The following DHRS4L2 variants were observed in gnomAD, a reference collection of about 807,000 sequenced individuals.
DHRS4L2 encodes the protein dehydrogenase/reductase SDR family member 4-like 2.
In DHRS4L2, 22 loss-of-function variants were observed where a neutral mutation model predicts 23.9. The ratio of observed to expected loss-of-function variants is 0.92; its 90% CI spans 0.66 to 1.31. The LOEUF (loss-of-function observed/expected upper bound fraction) is 1.31, where lower values mean the gene tolerates loss of function less well. Among genes scored for constraint, DHRS4L2 ranks in the 40% most tolerant of loss-of-function variants. The probability of loss-of-function intolerance (pLI) is 0.00; values close to 1 mark genes in which losing one functional copy is unlikely to be tolerated. For synonymous variants in DHRS4L2, 141 were observed against 123.7 expected, an observed-to-expected ratio of 1.14 and a Z score of -0.93; for missense variants, 385 against 303.3, an observed-to-expected ratio of 1.27 and a Z score of -2.00.
intron 1 of DHRS4L2, among the ~76,000 whole-genome samples, chr14:23,983,531 G>A (rs1291072190): frequency 6.6e-6 from 1 of 151,612 alleles, no homozygotes; most frequent in Non-Finnish European, 1.5e-5. Context: ...CCATTACTGG[G>A]TATATATCCA....
At chr14:24,000,207 C>A (rs562196435) in intron 3 of DHRS4L2, among the ~76,000 whole-genome samples, 1 of 146,748 alleles carries the variant, frequency 6.8e-6, no homozygotes, top group East Asian at 2.0e-4. Flanking sequence ...ACTTCTATCT[C>A]CAATTTTTCT....
rs1594446700 is a variant in DHRS4L2 at position 23,970,635 on chromosome 14, T to G, written c.-176+303T>G. 2.0e-5 allele frequency among the ~76,000 whole-genome samples: 3 copies of G among 151,974 alleles called. No individual in the cohort carries two copies. In the East Asian group the frequency reaches 5.8e-4, roughly 29 times the overall value. Reference sequence around the variant, plus strand: ...CAGCAGTGGTTCTCCCAGCACGGAGTTCGTGCTCCGATAACGGACAGACTG... The same window carrying G: ...CAGCAGTGGTTCTCCCAGCACGGAGGTCGTGCTCCGATAACGGACAGACTG... On this transcript the variant is annotated intron_variant, in intron 1 of 5. Coordinates refer to the DHRS4L2 transcript ENST00000534993.
At chr14:23,988,671 G>A (rs1219185671), upstream of DHRS4L2, 2 of 731,070 alleles carry the variant, frequency 2.7e-6, no homozygotes, top group Non-Finnish European at 1.9e-6. Flanking sequence ...TCCTGCGGGG[G>A]CCAGGGGAGG....
At chr14:23,987,112 T>C, upstream of DHRS4L2, 1 of 271,328 alleles carries the variant, frequency 3.7e-6, no homozygotes, top group South Asian at 2.9e-5. Flanking sequence ...TACACCCCCT[T>C]TTGAATGTTG....
At position 24,000,924 on chromosome 14, in the gene DHRS4L2, A is replaced by C; in HGVS notation, c.470A>C (p.Glu157Ala). Residue 157 changes from glutamate (E) to alanine (A), a missense_variant, in exon 4 of 8, where the codon GAG (glutamate) becomes GCG (alanine). Physicochemically the swap from Glu to Ala is moderately radical, Grantham distance 107 (BLOSUM62 -1). Transcript: ENST00000335125. The part of the protein sequence containing the change: ...LMTKAVVPEM[E>A]KRGGGSVVIV... Reference sequence around the variant, plus strand: ...ACAAAGGCAGTGGTGCCAGAAATGGAGAAACGAGGGTACAGAGAGTGAGAG... The same window carrying C: ...ACAAAGGCAGTGGTGCCAGAAATGGCGAAACGAGGGTACAGAGAGTGAGAG... 1.9e-6 allele frequency: 3 copies of C among 1,611,288 alleles called. No individual in the cohort carries two copies. Among genetic ancestry groups the C allele is most frequent in the Non-Finnish European group, 1.7e-6 (2 of 1,179,378 alleles).
At chr14:23,987,152 A>T (rs2034161755), upstream of DHRS4L2, 1 of 305,796 alleles carries the variant, frequency 3.3e-6, no homozygotes, top group East Asian at 1.5e-4. Flanking sequence ...TTTTGTTGAG[A>T]CAGAGTCTCC....
chr14:23,987,160 T>C, upstream of DHRS4L2: 1 of 320,826 alleles, frequency 3.1e-6, no homozygotes, highest in Non-Finnish European at 6.1e-6. Context: ...AGACAGAGTC[T>C]CCATCTGTCG....
intron 1 of DHRS4L2, among the ~76,000 whole-genome samples, chr14:23,973,400 C>G (rs370058176): frequency 6.6e-6 from 1 of 151,926 alleles, no homozygotes; most frequent in Non-Finnish European, 1.5e-5. Flanking sequence ...AGGAAGCCAG[C>G]TCCAGTCTCA....
chr14:23,973,393 A>G (rs1170914935), intron 1 of DHRS4L2, among the ~76,000 whole-genome samples: 1 of 151,846 alleles, frequency 6.6e-6, no homozygotes, highest in Non-Finnish European at 1.5e-5. Context: ...CAATCTGAGG[A>G]AGCCAGCTCC....
chr14:23,975,619 C>A (rs2033950963), intron 1 of DHRS4L2, among the ~76,000 whole-genome samples: 1 of 151,686 alleles, frequency 6.6e-6, no homozygotes, highest in Non-Finnish European at 1.5e-5. Context: ...GCCAGTATAG[C>A]CAAGGAAATC....
rs574271879 is a variant in DHRS4L2 at position 23,972,715 on chromosome 14, T to G, written c.-176+2383T>G. On this transcript the variant is annotated intron_variant, in intron 1 of 5. Transcript: ENST00000534993. ...ACCGGCGCTCAGCATACCAAGGACC[T>G]GCACCGGCACCGGTCTCTGAATTCC... Among the ~76,000 whole-genome samples, 77 of 152,098 alleles carry G rather than the reference T, an allele frequency of 5.1e-4. 4 individuals are homozygous for G. In the South Asian group the frequency reaches 0.016, roughly 31 times the overall value.
upstream of DHRS4L2, chr14:23,987,121 T>C: frequency 3.6e-6 from 1 of 280,704 alleles, no homozygotes; most frequent in Admixed American, 4.9e-5. Flanking sequence ...TTTTGAATGT[T>C]GAAATCCTTG....
chr14:23,977,958 T>C (rs60909389), intron 1 of DHRS4L2, among the ~76,000 whole-genome samples: 4,818 of 151,662 alleles, frequency 0.032, 281 homozygotes, highest in East Asian at 0.2. Context: ...TAAACACTCC[T>C]CTCTCTCTGG....
At chr14:23,986,239 A>G (rs933266459), upstream of DHRS4L2, among the ~76,000 whole-genome samples, 6 of 151,178 alleles carry the variant, frequency 4.0e-5, no homozygotes, top group Non-Finnish European at 5.9e-5. Context: ...ACTTCCTTCT[A>G]TCCTTTTCTG....
At chr14:23,998,264 C>A (rs553447020) in intron 3 of DHRS4L2, among the ~76,000 whole-genome samples, 2 of 151,918 alleles carry the variant, frequency 1.3e-5, no homozygotes, top group Non-Finnish European at 2.9e-5. Flanking sequence ...GTAGATTTAG[C>A]GTAAATCTTG....
intron 1 of DHRS4L2, among the ~76,000 whole-genome samples, chr14:23,974,037 C>A (rs1286351902): frequency 1.3e-5 from 2 of 151,528 alleles, no homozygotes; most frequent in East Asian, 1.9e-4. Context: ...ACAGCAATCA[C>A]AACAAACTGT....
chr14:23,977,515 C>A (rs898961673), intron 1 of DHRS4L2, among the ~76,000 whole-genome samples: 1 of 150,160 alleles, frequency 6.7e-6, no homozygotes, highest in Non-Finnish European at 1.5e-5. Context: ...CAGGTAAATT[C>A]ACTTTACGGG....
chr14:23,989,737 A>G (rs201793300), intron 1 of DHRS4L2, among the ~76,000 whole-genome samples: 1 of 151,860 alleles, frequency 6.6e-6, no homozygotes, highest in Non-Finnish European at 1.5e-5. Flanking sequence ...GTTTTTGACC[A>G]GAGACCATCT....
rs1466401048 is a variant in DHRS4L2, at chr14:24,004,354, A to G, written c.683A>G (p.Lys228Arg). ...ASAGCSGWTR[K>R]KRKA ...TCCTACAGCTCTGGATGGACAAGGA[A>G]AAAGAGGAAAGCATGAAAGAAACCC... Residue 228 changes from lysine (K) to arginine (R), a missense_variant, in exon 7 of 8, where the codon AAA becomes AGA. Transcript: ENST00000335125. The G allele has an allele frequency of 6.2e-7, 1 of 1,604,490 alleles. No homozygotes were observed. Among genetic ancestry groups the G allele is most frequent in the South Asian group, 1.1e-5 (1 of 90,370 alleles).
Sources: gnomAD v4.1 joint callset for allele counts (sites outside exome capture counted in the v4.1 genomes callset) on GRCh38, gnomAD v4.1.1 for gene constraint, MANE v1.5 for transcripts, NCBI Gene and HGNC (gene_info 2026-07-23, HGNC 2026-07-21) for gene names.